The following SLC49A4 variants were observed in gnomAD, a reference collection of about 807,000 sequenced individuals.
SLC49A4 encodes solute carrier family 49 member 4.
A neutral mutation model predicts 50.6 loss-of-function variants in SLC49A4; 36 were observed. The observed-to-expected ratio is 0.71, with a 90% CI of 0.55 to 0.94. The LOEUF (loss-of-function observed/expected upper bound fraction) is 0.94, where lower values mean the gene tolerates loss of function less well. SLC49A4 is among the 40% of genes least tolerant of loss of function. The pLI, the probability that SLC49A4 is intolerant of heterozygous loss-of-function variation, is 0.00. For synonymous variants in SLC49A4, 248 were observed against 241.2 expected, an observed-to-expected ratio of 1.03 and a Z score of -0.26; for missense variants, 503 against 605.7, an observed-to-expected ratio of 0.83 and a Z score of 1.78.
chr3:122,855,774 A>G (rs1303892224), intron 5 of SLC49A4, among the ~76,000 whole-genome samples: 1 of 152,198 alleles, frequency 6.6e-6, no homozygotes, highest in Admixed American at 6.5e-5. Context: ...GTAAAAAGGC[A>G]TAATTTGCTC....
chr3:122,795,615 G>A, intron 1 of SLC49A4, 80 bp downstream of exon 1: 1 of 1,496,736 alleles, frequency 6.7e-7, no homozygotes, highest in Middle Eastern at 2.4e-4. Context: ...CCTGCCAGCC[G>A]CCTCCCTTGG....
intron 6 of SLC49A4, among the ~76,000 whole-genome samples, chr3:122,859,669 A>T (rs1282171876): frequency 6.6e-6 from 1 of 152,074 alleles, no homozygotes; most frequent in African/African-American, 2.4e-5. Flanking sequence ...AACATAGAGA[A>T]ACCCTGTACA....
chr3:122,828,051 G>T (rs1936559092), intron 3 of SLC49A4, among the ~76,000 whole-genome samples: 1 of 152,192 alleles, frequency 6.6e-6, no homozygotes, highest in Non-Finnish European at 1.5e-5. Flanking sequence ...TTGTGTTTGG[G>T]TATGGGTAAC....
chr3:122,856,013 G>A (rs566314826), intron 5 of SLC49A4, among the ~76,000 whole-genome samples: 18 of 152,166 alleles, frequency 1.2e-4, no homozygotes, highest in South Asian at 8.3e-4. Context: ...AACTTTTTCA[G>A]GCTGTGACTA....
rs371286130 is a variant in SLC49A4, at chr3:122,803,256, G to A, written c.344-3601G>A. Among the ~76,000 whole-genome samples, 13 of 152,234 alleles carry A rather than the reference G, an allele frequency of 8.5e-5. 2 individuals are homozygous for A. The highest frequency in any genetic ancestry group is 1.9e-4 in the East Asian group (1 of 5,172). On this transcript the variant is annotated intron_variant, in intron 1 of 8. Transcript: ENST00000261038. ...GAGTAGGAATGATCTGGAAGTGGCA[G>A]GGAAAGCAATGTAAGGGATTTCTCT...
rs1936987109 is a variant in SLC49A4, at chr3:122,856,194, T to C, written c.943-113T>C. ...TATACATTAGTTACACATGAATTCT[T>C]TTATTTCATCCATTTAGCTACTAAC... On this transcript the variant is annotated intron_variant, in intron 5 of 8. Transcript: ENST00000261038. The C allele has an allele frequency of 4.4e-6, 4 of 907,544 alleles. No homozygotes were observed. In the Admixed American group the frequency reaches 9.0e-5, roughly 20 times the overall value. The allele number at this position is 907,544 out of a possible 1,614,324, so 56.2% of individuals were successfully genotyped here.
At chr3:122,847,600 C>T (rs1289103983) in intron 5 of SLC49A4, among the ~76,000 whole-genome samples, 1 of 151,994 alleles carries the variant, frequency 6.6e-6, no homozygotes, top group Admixed American at 6.6e-5. Flanking sequence ...CCACCTAAGC[C>T]TCCCAAAGTG....
At position 122,795,120 on chromosome 3, in the gene SLC49A4, A is replaced by G. The variant is rs1160793202; in HGVS notation, c.-73A>G. The G allele has an allele frequency of 2.1e-5, 27 of 1,263,298 alleles. No homozygotes were observed. The highest frequency in any genetic ancestry group is 4.3e-5 in the Admixed American group (1 of 23,490). 78.3% of individuals were successfully genotyped at this position (1,263,298 alleles called of 1,614,324 possible). ...CAGCCTCCGCCTCCTGCTGCTCAGG[A>G]CTATTCTGCGCTGGGCTAGTCGGCG... On this transcript the variant is annotated 5_prime_UTR_variant, in exon 1 of 9. Transcript: ENST00000261038.
chr3:122,832,286 A>G (rs1462509193), intron 3 of SLC49A4, among the ~76,000 whole-genome samples: 1 of 152,180 alleles, frequency 6.6e-6, no homozygotes. Flanking sequence ...CTTTTCTACA[A>G]AATTGGACAC....
Position 122,879,592 on chromosome 3 carries a change from A to G in SLC49A4, c.*214A>G, listed in dbSNP as rs1937308374. ...ATAATAGGGGATTTTAAAACTCTAC[A>G]GATGGCATACCTGTGCCTGCTTCTG... On this transcript the variant is annotated 3_prime_UTR_variant, in exon 9 of 9. Coordinates refer to ENST00000261038, the MANE Select transcript of SLC49A4 (RefSeq NM_032839.3). The G allele has an allele frequency of 1.0e-4, 43 of 430,642 alleles. 1 individual carries two copies. In the South Asian group the frequency reaches 1.6e-3, roughly 16 times the overall value. 26.7% of individuals were successfully genotyped at this position (430,642 alleles called of 1,614,324 possible). A position where few individuals can be genotyped will look rare whatever the true frequency, so the allele number is the denominator to read the frequency against.
intron 8 of SLC49A4, among the ~76,000 whole-genome samples, chr3:122,875,634 G>A (rs1392420879): frequency 3.9e-5 from 6 of 152,020 alleles, no homozygotes; most frequent in Non-Finnish European, 1.5e-5. Flanking sequence ...TTACAGGTGT[G>A]AGCCACCACA....
At chr3:122,811,824 C>T (rs539599934) in intron 2 of SLC49A4, among the ~76,000 whole-genome samples, 1 of 152,052 alleles carries the variant, frequency 6.6e-6, no homozygotes, top group South Asian at 2.1e-4. Context: ...TTAGTATGTT[C>T]TTACTTGGAA....
At chr3:122,850,477 G>C (rs975478962) in intron 5 of SLC49A4, among the ~76,000 whole-genome samples, 2 of 151,724 alleles carry the variant, frequency 1.3e-5, no homozygotes, top group Non-Finnish European at 2.9e-5. Context: ...GGGCAAACAG[G>C]AAAAGGATTA....
chr3:122,818,297 A>G lies in SLC49A4; in HGVS notation c.438-8503A>G, dbSNP rs562991476. On this transcript the variant is annotated intron_variant, in intron 2 of 8. Coordinates refer to ENST00000261038, the MANE Select transcript of SLC49A4 (RefSeq NM_032839.3). ...GCATAAGCTGTATATTCAGTATGGT[A>G]TCTGTGGTTACCTATGTACGATTAA... Among the ~76,000 whole-genome samples the G allele has an allele frequency of 2.0e-5, 3 of 152,344 alleles. No individual in the cohort carries two copies. The South Asian group carries it at 6.2e-4, about 32-fold the overall frequency.
Position 122,826,844 on chromosome 3 carries a change from C to A in SLC49A4, c.482C>A (p.Thr161Asn), listed in dbSNP as rs768785543. The change falls in exon 3 of 9, where the codon ACT becomes AAT. Residue 161 changes from threonine to asparagine, a missense_variant. Coordinates refer to ENST00000261038, the MANE Select transcript of SLC49A4 (RefSeq NM_032839.3). ...GQMLNGLAGP[T>N]VMNAAPFLST... ...ATGTTAAATGGATTGGCAGGTCCAA[C>A]TGTAATGAATGCAGCACCATTTCTC... 6.2e-7 allele frequency: 1 copy of A among 1,614,124 alleles called. No homozygotes were observed. Among genetic ancestry groups the A allele is most frequent in the Non-Finnish European group, 8.5e-7 (1 of 1,179,960 alleles).
In SLC49A4 at chr3:122,824,563, T is replaced by A. The variant is rs145547231; in HGVS notation, c.438-2237T>A. Among the ~76,000 whole-genome samples the A allele has an allele frequency of 8.0e-3, 1,214 of 152,074 alleles. 8 individuals are homozygous for A. Among genetic ancestry groups the A allele is most frequent in the African/African-American group, 0.026 (1,064 of 41,478 alleles). Reference sequence around the variant, plus strand: ...GAGCTTCACTTTGCTTCTCTTCTCTTCTCTTCTTTCTTTCTCTTTCTTTCT... The same window carrying A: ...GAGCTTCACTTTGCTTCTCTTCTCTACTCTTCTTTCTTTCTCTTTCTTTCT... On this transcript the variant is annotated intron_variant, in intron 2 of 8. Coordinates refer to ENST00000261038, the MANE Select transcript of SLC49A4 (RefSeq NM_032839.3).
intron 2 of SLC49A4, among the ~76,000 whole-genome samples, chr3:122,813,120 C>T (rs763068998): frequency 6.6e-6 from 1 of 151,842 alleles, no homozygotes; most frequent in Non-Finnish European, 1.5e-5. Context: ...CGTGGAGGCG[C>T]TTGCCTGTAA....
intron 8 of SLC49A4, among the ~76,000 whole-genome samples, chr3:122,875,559 C>CA: frequency 6.6e-6 from 1 of 152,202 alleles, no homozygotes; most frequent in Admixed American, 6.5e-5. Flanking sequence ...GCCATGTTGC[C>CA]CATGCTGGTG....
intron 7 of SLC49A4, among the ~76,000 whole-genome samples, chr3:122,871,877 GTTAC>G (rs1397567486): frequency 6.6e-6 from 1 of 151,910 alleles, no homozygotes; most frequent in Non-Finnish European, 1.5e-5. Context: ...TTTCAAAAAA[GTTAC>G]TTATTTAAAA....
Sources: gnomAD v4.1 joint callset for allele counts (sites outside exome capture counted in the v4.1 genomes callset) on GRCh38, gnomAD v4.1.1 for gene constraint, MANE v1.5 for transcripts, NCBI Gene and HGNC (gene_info 2026-07-23, HGNC 2026-07-21) for gene names.